Variants in SLC45A4 observed in about 807,000 individuals in gnomAD.
SLC45A4 encodes polyamine-transporter SLC45A4.
Under a neutral mutation model 63.7 loss-of-function variants are expected in SLC45A4, and 32 were observed. The ratio of observed to expected loss-of-function variants is 0.50; its 90% CI spans 0.38 to 0.67. SLC45A4 has a LOEUF of 0.67. Among genes scored for constraint, SLC45A4 ranks in the 30% least tolerant of loss-of-function variants. The pLI is 0.00. For missense variants in SLC45A4, 1,027 were observed against 1,157.7 expected (o/e 0.89, Z 1.64); for synonymous variants, 535 against 510.0 (o/e 1.05, Z -0.66).
chr8:141,244,789 G>A (rs1463784817), intron 2 of SLC45A4, among the ~76,000 whole-genome samples: 1 of 152,076 alleles, frequency 6.6e-6, no homozygotes, highest in Non-Finnish European at 1.5e-5. Flanking sequence ...GTGTGACACC[G>A]ACGGGGCTCA....
intron 5 of SLC45A4, among the ~76,000 whole-genome samples, chr8:141,217,712 G>A (rs1303356721): frequency 3.9e-5 from 6 of 152,212 alleles, no homozygotes; most frequent in Admixed American, 3.9e-4. Flanking sequence ...CTGCCGTTTT[G>A]GGGTAGTCTG....
chr8:141,267,800 C>T (rs573750729), intron 1 of SLC45A4, among the ~76,000 whole-genome samples: 1 of 152,264 alleles, frequency 6.6e-6, no homozygotes, highest in South Asian at 2.1e-4. Flanking sequence ...AAGCTTAGGG[C>T]ACGGACAACA....
At chr8:141,266,794 A>G (rs1390232450) in intron 1 of SLC45A4, among the ~76,000 whole-genome samples, 1 of 152,202 alleles carries the variant, frequency 6.6e-6, no homozygotes, top group Non-Finnish European at 1.5e-5. Flanking sequence ...AGTGTGGGGC[A>G]AGCAGTGTGT....
intron 2 of SLC45A4, among the ~76,000 whole-genome samples, chr8:141,232,181 CG>C (rs964003808): frequency 2.7e-4 from 41 of 152,296 alleles, no homozygotes; most frequent in Non-Finnish European, 5.1e-4. Flanking sequence ...CTGGAGGGGG[CG>C]GGGGAACCCC....
chr8:141,254,007 G>C lies in SLC45A4; in HGVS notation c.223C>G (p.Pro75Ala). ...GACTTACCAATCTGCAACAGTATTG[G>C]TGTGACCAGAGCGGTTTCCATGGCG... is the stretch of plus-strand genomic sequence containing the variant. The part of the protein sequence containing the change: ...CYAMETALVT[P>A]ILLQIGLPEQ... The change falls in exon 2 of 9, where the codon CCA becomes GCA. Residue 75 changes from proline to alanine, a missense_variant. Pro to Ala is a conservative substitution (Grantham distance 27). Transcript: ENST00000517878. This position sits in a 1 kb window ranked among gnomAD's most constrained non-coding sequence, Gnocchi z 4.5. The C allele has an allele frequency of 6.5e-7, 1 of 1,536,166 alleles. No individual in the cohort carries two copies. The highest frequency in any genetic ancestry group is 8.7e-7 in the Non-Finnish European group (1 of 1,146,920).
chr8:141,237,686 C>T (rs1205847975), intron 2 of SLC45A4, among the ~76,000 whole-genome samples: 13 of 152,150 alleles, frequency 8.5e-5, no homozygotes, highest in African/African-American at 1.9e-4. Flanking sequence ...CCCGAAGTGG[C>T]GCTCCACGAT....
In SLC45A4 at chr8:141,208,973, C is replaced by T. The variant is rs1825666905; in HGVS notation, c.*2599G>A. ...ACCAACCGACACACCCTGCCTGACA[C>T]TCCACTCAGTGTGCAGAGGCACCCA... On this transcript the variant is annotated 3_prime_UTR_variant, in exon 9 of 9. Transcript: ENST00000517878. 6.5e-6 allele frequency: 1 copy of T among 152,898 alleles called. No individual in the cohort carries two copies. The highest frequency in any genetic ancestry group is 1.5e-5 in the Non-Finnish European group (1 of 68,452). 9.5% of individuals were successfully genotyped at this position (152,898 alleles called of 1,614,324 possible).
intron 6 of SLC45A4, 111 bp downstream of exon 6, chr8:141,216,979 G>T: frequency 9.2e-7 from 1 of 1,087,224 alleles, no homozygotes; most frequent in Non-Finnish European, 1.4e-6. Context: ...GGACCCAGAA[G>T]TCAGTGCGAC....
At chr8:141,292,162 G>A (rs1830371633) in intron 1 of SLC45A4, among the ~76,000 whole-genome samples, 2 of 152,230 alleles carry the variant, frequency 1.3e-5, no homozygotes, top group South Asian at 4.1e-4. Context: ...GCAGACAAGC[G>A]GGTGTCCATG....
In SLC45A4 at chr8:141,209,131, T is replaced by C; in HGVS notation, c.*2441A>G. On this transcript the variant is annotated 3_prime_UTR_variant, in exon 9 of 9. Coordinates refer to ENST00000517878, the MANE Select transcript of SLC45A4 (RefSeq NM_001286646.2). ...CCTCCTCGTCCCTCTCGGGCAAGGC[T>C]ATCAGCCAGAGCACCTCCCCTTTGA... The C allele has an allele frequency of 6.5e-6, 1 of 152,718 alleles. No homozygotes were observed. The highest frequency in any genetic ancestry group is 1.5e-5 in the Non-Finnish European group (1 of 68,320). The allele number at this position is 152,718 out of a possible 1,614,324, so 9.5% of individuals were successfully genotyped here. A position where few individuals can be genotyped will look rare whatever the true frequency, so the allele number is the denominator to read the frequency against.
At chr8:141,232,072 T>C (rs767423513) in intron 2 of SLC45A4, among the ~76,000 whole-genome samples, 4 of 152,224 alleles carry the variant, frequency 2.6e-5, no homozygotes, top group Non-Finnish European at 4.4e-5. Context: ...AGGCTCTGCA[T>C]CTCTCCTCTG....
At chr8:141,222,077 C>G (rs1018940421) in intron 2 of SLC45A4, among the ~76,000 whole-genome samples, 1 of 139,332 alleles carries the variant, frequency 7.2e-6, no homozygotes, top group Non-Finnish European at 1.5e-5. Context: ...ACATGGAGGG[C>G]GCCCCGCCCA....
chr8:141,306,181 C>A (rs1174554938), intron 1 of SLC45A4, among the ~76,000 whole-genome samples: 1 of 152,192 alleles, frequency 6.6e-6, no homozygotes, highest in Admixed American at 6.5e-5. Context: ...CCACGAGGCC[C>A]GGGAGGTGGC....
rs1465414766 is a variant in SLC45A4, at chr8:141,229,233, C to A, written c.242-7468G>T. Among the ~76,000 whole-genome samples the A allele has an allele frequency of 6.6e-6, 1 of 152,088 alleles. No homozygotes were observed. The highest frequency in any genetic ancestry group is 1.5e-5 in the Non-Finnish European group (1 of 68,008). ...TCCTCCGTAACCCACCCGCCACCTGCAGTCAGAGTGACCACCTAAAACCCA... is the reference window on the plus strand; with the variant it reads ...TCCTCCGTAACCCACCCGCCACCTGAAGTCAGAGTGACCACCTAAAACCCA... On this transcript the variant is annotated intron_variant, in intron 2 of 8. Transcript: ENST00000517878. The surrounding 1 kb of genome is among the most constrained non-coding windows in gnomAD (Gnocchi z 5.0).
rs888878646 is a variant in SLC45A4 at position 141,266,637 on chromosome 8, C to T, written c.-400-12008G>A. On this transcript the variant is annotated intron_variant, in intron 1 of 8. Coordinates refer to ENST00000517878, the MANE Select transcript of SLC45A4 (RefSeq NM_001286646.2). ...AGGGAAGAAGACGACAAGCCACAAA[C>T]GGGGTAAAAGTATTCGCAAAAGACA... is the stretch of plus-strand genomic sequence containing the variant. Among the ~76,000 whole-genome samples the T allele has an allele frequency of 8.5e-5, 13 of 152,266 alleles. No individual in the cohort carries two copies. In the South Asian group the frequency reaches 1.0e-3, roughly 12 times the overall value.
In SLC45A4 at chr8:141,234,106, C is replaced by T. The variant is rs574011229; in HGVS notation, c.242-12341G>A. On this transcript the variant is annotated intron_variant, in intron 2 of 8. Coordinates refer to ENST00000517878, the MANE Select transcript of SLC45A4 (RefSeq NM_001286646.2). ...TAGCGAATCGTCGCCAACATCGGGG[C>T]CTGCATCGCTCACCTGAGGGAGTGG... 1.3e-3 allele frequency among the ~76,000 whole-genome samples: 201 copies of T among 152,368 alleles called. 1 individual carries two copies. The highest frequency in any genetic ancestry group is 6.8e-3 in the Middle Eastern group (2 of 294).
At chr8:141,261,811 T>C (rs1242495995) in intron 1 of SLC45A4, among the ~76,000 whole-genome samples, 3 of 152,190 alleles carry the variant, frequency 2.0e-5, no homozygotes, top group African/African-American at 7.2e-5. Context: ...AGGTAATTTA[T>C]AGATTCAATG....
chr8:141,307,567 T>C (rs993023870), intron 1 of SLC45A4, among the ~76,000 whole-genome samples: 1 of 151,220 alleles, frequency 6.6e-6, no homozygotes, highest in Non-Finnish European at 1.5e-5. Flanking sequence ...GTGTGTTCGG[T>C]TGGGAGGACC....
chr8:141,255,888 G>C (rs1052895841), intron 1 of SLC45A4, among the ~76,000 whole-genome samples: 1 of 152,092 alleles, frequency 6.6e-6, no homozygotes, highest in Non-Finnish European at 1.5e-5. Flanking sequence ...AAAACCTCTT[G>C]GGAATAAAAT....
Sources: allele counts gnomAD v4.1 joint callset (sites outside exome capture counted in the v4.1 genomes callset), GRCh38; gene constraint gnomAD v4.1.1; non-coding constraint Gnocchi (gnomAD v3.1); transcripts MANE v1.5; gene names NCBI Gene and HGNC (gene_info 2026-07-23, HGNC 2026-07-21).